The following CCNY variants were observed in gnomAD, a reference collection of about 807,000 sequenced individuals.
CCNY encodes the protein cyclin Y.
In CCNY, 19 loss-of-function variants were observed where a neutral mutation model predicts 42.8. That is an observed-to-expected ratio of 0.44 (90% confidence interval 0.31 to 0.65). The LOEUF (loss-of-function observed/expected upper bound fraction) is 0.65. Ranked by LOEUF, CCNY falls within the 30% of genes least tolerant of loss-of-function variation. The pLI, the probability that CCNY is intolerant of heterozygous loss-of-function variation, is 0.07. For missense variants in CCNY, 370 were observed against 437.3 expected (o/e 0.85, Z 1.37); for synonymous variants, 165 against 162.7 (o/e 1.01, Z -0.11).
At chr10:35,427,027 T>A (rs545680733) in intron 1 of CCNY, among the ~76,000 whole-genome samples, 2 of 152,246 alleles carry the variant, frequency 1.3e-5, no homozygotes, top group Non-Finnish European at 2.9e-5. Flanking sequence ...GTACACTTTT[T>A]AAAAGTATAT....
chr10:35,564,687 A>G (rs549425093), intron 8 of CCNY, among the ~76,000 whole-genome samples: 44 of 152,270 alleles, frequency 2.9e-4, no homozygotes, highest in Non-Finnish European at 5.4e-4. Context: ...CTCACAGGAA[A>G]TGGTGACTGT....
intron 1 of CCNY, among the ~76,000 whole-genome samples, chr10:35,423,647 T>G (rs1838207370): frequency 6.6e-6 from 1 of 152,124 alleles, no homozygotes; most frequent in Admixed American, 6.5e-5. Context: ...CAGTTTGGTT[T>G]CAGTAACTGA....
At chr10:35,439,330 G>A (rs1294932774) in intron 1 of CCNY, among the ~76,000 whole-genome samples, 1 of 152,042 alleles carries the variant, frequency 6.6e-6, no homozygotes, top group African/African-American at 2.4e-5. Context: ...TCTCTCTATT[G>A]TTAAGTTTGG....
intron 1 of CCNY, among the ~76,000 whole-genome samples, chr10:35,466,809 G>A (rs1564422461): frequency 6.6e-6 from 1 of 152,316 alleles, no homozygotes; most frequent in Non-Finnish European, 1.5e-5. Context: ...GTCTCGCTCT[G>A]TCACCCAGGC....
intron 1 of CCNY, among the ~76,000 whole-genome samples, chr10:35,443,116 A>AG (rs1314217820): frequency 2.6e-5 from 4 of 152,230 alleles, no homozygotes; most frequent in Admixed American, 2.6e-4. Flanking sequence ...TGGAGCTTGT[A>AG]GGACTGGAAG....
intron 1 of CCNY, among the ~76,000 whole-genome samples, chr10:35,360,415 TA>T (rs1836658681): frequency 6.6e-6 from 1 of 151,616 alleles, no homozygotes; most frequent in Non-Finnish European, 1.5e-5. Flanking sequence ...GACTCCTGAG[TA>T]ACTGGGACCA....
At chr10:35,333,187 T>C (rs1019857840), upstream of CCNY, among the ~76,000 whole-genome samples, 1 of 152,136 alleles carries the variant, frequency 6.6e-6, no homozygotes, top group Non-Finnish European at 1.5e-5. Flanking sequence ...CTTGTTACAA[T>C]GCTCAGTGTG....
chr10:35,519,263 TGTGA>T (rs1840494877), intron 4 of CCNY, among the ~76,000 whole-genome samples: 1 of 152,086 alleles, frequency 6.6e-6, no homozygotes, highest in Admixed American at 6.5e-5. Flanking sequence ...TGAGGTATAC[TGTGA>T]GTATCTGGAT....
chr10:35,490,851 C>G (rs1839880830), intron 2 of CCNY, among the ~76,000 whole-genome samples: 1 of 152,166 alleles, frequency 6.6e-6, no homozygotes, highest in African/African-American at 2.4e-5. Context: ...GTGTGCCTGC[C>G]TTTCTTTGTG....
chr10:35,265,936 C>T (rs1184742563), intron 3 of CCNY, among the ~76,000 whole-genome samples: 1 of 152,070 alleles, frequency 6.6e-6, no homozygotes, highest in Non-Finnish European at 1.5e-5. Context: ...CAGAAGCCAG[C>T]CCCACTCTTT....
intron 1 of CCNY, among the ~76,000 whole-genome samples, chr10:35,463,312 C>T (rs973997591): frequency 2.0e-5 from 3 of 152,188 alleles, no homozygotes; most frequent in African/African-American, 7.2e-5. Flanking sequence ...GCTTACTAAA[C>T]ATTAGTTTCT....
At chr10:35,534,999 ATGTGTGTGTGTG>A (rs59534409) in intron 7 of CCNY, among the ~76,000 whole-genome samples, 18 of 133,502 alleles carry the variant, frequency 1.3e-4, no homozygotes, top group African/African-American at 3.4e-4. Context: ...ATCTATATAT[ATGTGTGTGTGTG>A]TGTGTGTGTG....
intron 1 of CCNY, among the ~76,000 whole-genome samples, chr10:35,474,731 T>G (rs1839468214): frequency 1.3e-5 from 2 of 151,930 alleles, no homozygotes; most frequent in South Asian, 2.1e-4. Context: ...ACTCTAAAAA[T>G]CAGAGCGCCT....
intron 1 of CCNY, among the ~76,000 whole-genome samples, chr10:35,472,061 G>A (rs988656958): frequency 6.6e-6 from 1 of 152,150 alleles, no homozygotes; most frequent in African/African-American, 2.4e-5. Flanking sequence ...TGTATTGAGA[G>A]TTTTGTTTCT....
chr10:35,251,650 A>G (rs560510872), intron 3 of CCNY, among the ~76,000 whole-genome samples: 1 of 150,582 alleles, frequency 6.6e-6, no homozygotes, highest in East Asian at 2.0e-4. Context: ...AGACAGTGGT[A>G]CAATCACAGC....
chr10:35,391,981 ATTT>A (rs1837424285), intron 1 of CCNY, among the ~76,000 whole-genome samples: 1 of 55,540 alleles, frequency 1.8e-5, no homozygotes, highest in African/African-American at 9.8e-5. Flanking sequence ...CTTCTATAAC[ATTT>A]ATTCCTATAA....
At chr10:35,564,224 A>T (rs147737722) in intron 8 of CCNY, among the ~76,000 whole-genome samples, 1,623 of 151,944 alleles carry the variant, frequency 0.011, 41 homozygotes, top group African/African-American at 0.038. Flanking sequence ...ATACATTTGG[A>T]GCTTGTTATC....
intron 9 of CCNY, among the ~76,000 whole-genome samples, chr10:35,568,781 G>A (rs2135469114): frequency 6.6e-6 from 1 of 152,370 alleles, no homozygotes; most frequent in African/African-American, 2.4e-5. Context: ...AGCCAGCGTT[G>A]ACCCTGGTCG....
intron 2 of CCNY, among the ~76,000 whole-genome samples, chr10:35,499,315 C>A (rs1215743890): frequency 6.6e-6 from 1 of 152,090 alleles, no homozygotes; most frequent in Non-Finnish European, 1.5e-5. Flanking sequence ...GAGAAGAGGG[C>A]TTGTGCAGAG....
Sources: allele counts gnomAD v4.1 joint callset (sites outside exome capture counted in the v4.1 genomes callset), GRCh38; gene constraint gnomAD v4.1.1; transcripts MANE v1.5; gene names NCBI Gene and HGNC (gene_info 2026-07-23, HGNC 2026-07-21).